EEPD1: variants seen among roughly 807,000 people sequenced by gnomAD.
The protein encoded by EEPD1 is endonuclease/exonuclease/phosphatase family domain containing 1, also known as endonuclease/exonuclease/phosphatase family domain-containing protein 1.
Under a neutral mutation model 46.3 loss-of-function variants are expected in EEPD1, and 17 were observed. That is an observed-to-expected ratio of 0.37 (90% confidence interval 0.25 to 0.55). EEPD1 has a LOEUF of 0.55. Ranked by LOEUF, EEPD1 falls within the 20% of genes least tolerant of loss-of-function variation. The probability of loss-of-function intolerance (pLI) is 0.83; values close to 1 mark genes in which losing one functional copy is unlikely to be tolerated. For missense variants in EEPD1, 673 were observed against 745.6 expected (o/e 0.90, Z 1.13); for synonymous variants, 313 against 315.6 (o/e 0.99, Z 0.09).
intron 3 of EEPD1, among the ~76,000 whole-genome samples, chr7:36,251,298 G>GTTTCTTTC (rs372389551): frequency 6.9e-4 from 105 of 151,684 alleles, no homozygotes; most frequent in African/African-American, 2.5e-3. Context: ...CTACTGGTAG[G>GTTTCTTTC]TTTCTTTCTT....
chr7:36,213,714 A>G (rs1289764907), intron 2 of EEPD1, among the ~76,000 whole-genome samples: 2 of 151,734 alleles, frequency 1.3e-5, no homozygotes. Context: ...AGCCTTAACT[A>G]CCCCTTACCC....
In EEPD1 at chr7:36,226,339, A is replaced by G. The variant is rs528424708; in HGVS notation, c.879-12646A>G. On this transcript the variant is annotated intron_variant, in intron 2 of 7. Coordinates refer to ENST00000242108, the MANE Select transcript of EEPD1 (RefSeq NM_030636.3). Reference sequence around the variant, plus strand: ...AGGCTTATGAGGGAAGCAGCGTGCTAAGTACTTTACCTTAGTCACCTCTGC... The same window carrying G: ...AGGCTTATGAGGGAAGCAGCGTGCTGAGTACTTTACCTTAGTCACCTCTGC... Among the ~76,000 whole-genome samples, 93 of 152,290 alleles carry G rather than the reference A, an allele frequency of 6.1e-4. 1 individual carries two copies. Among genetic ancestry groups the G allele is most frequent in the Non-Finnish European group, 7.8e-4 (53 of 68,026 alleles).
intron 2 of EEPD1, among the ~76,000 whole-genome samples, chr7:36,184,456 AT>A (rs1431496106): frequency 2.0e-5 from 3 of 152,160 alleles, no homozygotes; most frequent in African/African-American, 7.2e-5. Context: ...CATTGGTCTT[AT>A]TTGAGTGACA....
chr7:36,185,969 G>A (rs982065406), intron 2 of EEPD1, among the ~76,000 whole-genome samples: 1 of 152,156 alleles, frequency 6.6e-6, no homozygotes, highest in African/African-American at 2.4e-5. Flanking sequence ...AGTATAACTG[G>A]CTGTGATTCA....
chr7:36,229,358 G>T (rs995689195), intron 2 of EEPD1: 1 of 152,150 alleles, frequency 6.6e-6, no homozygotes, highest in Non-Finnish European at 1.5e-5. Flanking sequence ...ACTGGGTCCC[G>T]TGACTATATC....
intron 3 of EEPD1, among the ~76,000 whole-genome samples, chr7:36,243,814 G>A (rs978860016): frequency 3.3e-5 from 5 of 149,462 alleles, no homozygotes; most frequent in African/African-American, 7.4e-5. Context: ...ACCAAACACC[G>A]CATGTTCTCA....
intron 4 of EEPD1, 44 bp downstream of exon 4, chr7:36,281,269 A>G (rs1285782396): frequency 1.9e-6 from 3 of 1,549,864 alleles, no homozygotes; most frequent in African/African-American, 2.7e-5. Flanking sequence ...CATTTAATTT[A>G]TACATACTTT....
intron 3 of EEPD1, among the ~76,000 whole-genome samples, chr7:36,247,135 AAAAAG>A (rs1172195583): frequency 6.6e-6 from 1 of 152,038 alleles, no homozygotes; most frequent in Non-Finnish European, 1.5e-5. Flanking sequence ...AAAAAAAAAA[AAAAAG>A]AAAAGAAAAA....
chr7:36,155,213 G>C lies in EEPD1; in HGVS notation c.878+11G>C. 1 of 1,509,734 alleles carries C rather than the reference G, an allele frequency of 6.6e-7. No individual in the cohort carries two copies. Among genetic ancestry groups the C allele is most frequent in the Non-Finnish European group, 8.9e-7 (1 of 1,128,538 alleles). 93.5% of individuals were successfully genotyped at this position (1,509,734 alleles called of 1,614,324 possible). ...ACTCCTGGAAAACAGGTGAGGACAG[G>C]AACCACCATGGGTGTTGGGTGTGAA... On this transcript the variant is annotated intron_variant, in intron 2 of 7. Coordinates refer to ENST00000242108, the MANE Select transcript of EEPD1 (RefSeq NM_030636.3).
intron 3 of EEPD1, among the ~76,000 whole-genome samples, chr7:36,249,973 C>A (rs1020404315): frequency 6.6e-6 from 1 of 152,196 alleles, no homozygotes; most frequent in African/African-American, 2.4e-5. Flanking sequence ...AATCCCAACA[C>A]TTTGGGAGGC....
Position 36,246,905 on chromosome 7 carries a change from C to T in EEPD1, c.930+7869C>T, listed in dbSNP as rs1786649505. Among the ~76,000 whole-genome samples the T allele has an allele frequency of 2.6e-5, 4 of 151,994 alleles. No individual in the cohort carries two copies. The South Asian group carries it at 8.3e-4, about 31-fold the overall frequency. ...CTTTGGGAGGCCAAGGCGGGTGGAT[C>T]GCCTGAGGTCAGGAGTTCGAGACCA... On this transcript the variant is annotated intron_variant, in intron 3 of 7. Coordinates refer to ENST00000242108, the MANE Select transcript of EEPD1 (RefSeq NM_030636.3).
chr7:36,173,946 G>A lies in EEPD1; in HGVS notation c.878+18744G>A, dbSNP rs148480042. On this transcript the variant is annotated intron_variant, in intron 2 of 7. Transcript: ENST00000242108. ...GCTAGGGTCTGGGCCCTACAGGTCCGTGTAATCATCCTGATCTCTGATGGA... is the reference window on the plus strand; with the variant it reads ...GCTAGGGTCTGGGCCCTACAGGTCCATGTAATCATCCTGATCTCTGATGGA... Among the ~76,000 whole-genome samples the A allele has an allele frequency of 1.7e-3, 258 of 152,278 alleles. 1 individual carries two copies. The highest frequency in any genetic ancestry group is 3.4e-3 in the Middle Eastern group (1 of 294).
At chr7:36,232,347 G>A (rs2115768281) in intron 2 of EEPD1, among the ~76,000 whole-genome samples, 1 of 152,030 alleles carries the variant, frequency 6.6e-6, no homozygotes, top group Middle Eastern at 3.4e-3. Flanking sequence ...TGGGACTGCA[G>A]GCGCCCACCA....
At chr7:36,213,969 G>A (rs1347102974) in intron 2 of EEPD1, among the ~76,000 whole-genome samples, 1 of 152,196 alleles carries the variant, frequency 6.6e-6, no homozygotes, top group Non-Finnish European at 1.5e-5. Flanking sequence ...GATAAGGGGG[G>A]ATCCATAGGA....
rs73690331 is a variant in EEPD1 at position 36,227,420 on chromosome 7, C to T, written c.879-11565C>T. Among the ~76,000 whole-genome samples, 1,049 of 152,282 alleles carry T rather than the reference C, an allele frequency of 6.9e-3. 15 individuals are homozygous for T. Among genetic ancestry groups the T allele is most frequent in the African/African-American group, 0.024 (993 of 41,562 alleles). Reference sequence around the variant, plus strand: ...GTGTCTTGGCAGTGACAGGATGCAACGCTGTCAAGGACATATTTAGGAAAA... The same window carrying T: ...GTGTCTTGGCAGTGACAGGATGCAATGCTGTCAAGGACATATTTAGGAAAA... On this transcript the variant is annotated intron_variant, in intron 2 of 7. Coordinates refer to ENST00000242108, the MANE Select transcript of EEPD1 (RefSeq NM_030636.3).
rs138276463 is a variant in EEPD1 at position 36,200,877 on chromosome 7, C to G, written c.879-38108C>G. On this transcript the variant is annotated intron_variant, in intron 2 of 7. Transcript: ENST00000242108. Reference sequence around the variant, plus strand: ...ACTTGCTTGGATAATCTCAAAGTTTCTTTCTGCAAGATGCTTATTCATCAC... The same window carrying G: ...ACTTGCTTGGATAATCTCAAAGTTTGTTTCTGCAAGATGCTTATTCATCAC... 2.5e-3 allele frequency among the ~76,000 whole-genome samples: 376 copies of G among 152,282 alleles called. 3 individuals are homozygous for G. Among genetic ancestry groups the G allele is most frequent in the African/African-American group, 8.7e-3 (360 of 41,548 alleles).
In EEPD1 at chr7:36,155,149, G is replaced by A; in HGVS notation, c.825G>A (p.Lys275=). The change falls in exon 2 of 8, where the codon AAG becomes AAA. Residue 275 remains lysine (K), a synonymous_variant. Coordinates refer to ENST00000242108, the MANE Select transcript of EEPD1 (RefSeq NM_030636.3). ...ACTTGCAGGGCTGTTCCGTGGAGAAGGCCAACAACCCCGGGGTGCGAGAGG... is the reference window on the plus strand; with the variant it reads ...ACTTGCAGGGCTGTTCCGTGGAGAAAGCCAACAACCCCGGGGTGCGAGAGG... The part of the protein sequence containing the change: ...TWNLQGCSVE[K]ANNPGVREVV... 6.5e-7 allele frequency: 1 copy of A among 1,526,802 alleles called. No individual in the cohort carries two copies. 94.6% of individuals were successfully genotyped at this position (1,526,802 alleles called of 1,614,324 possible).
chr7:36,275,643 G>C (rs1162085627), intron 3 of EEPD1, among the ~76,000 whole-genome samples: 4 of 152,040 alleles, frequency 2.6e-5, no homozygotes, highest in Non-Finnish European at 5.9e-5. Flanking sequence ...TGTATTTTTA[G>C]TAGAGACAGA....
intron 3 of EEPD1, among the ~76,000 whole-genome samples, chr7:36,247,067 G>A (rs930438217): frequency 6.7e-5 from 10 of 149,684 alleles, no homozygotes; most frequent in African/African-American, 2.5e-4. Context: ...AGGTTGCAGT[G>A]AGCTGAGATC....
Sources: allele counts gnomAD v4.1 joint callset (sites outside exome capture counted in the v4.1 genomes callset), GRCh38; gene constraint gnomAD v4.1.1; transcripts MANE v1.5; gene names NCBI Gene and HGNC (gene_info 2026-07-23, HGNC 2026-07-21).